NYNRIN: variants seen among roughly 807,000 people sequenced by gnomAD.
The protein encoded by NYNRIN is NYN domain and retroviral integrase containing.
In NYNRIN, 86 loss-of-function variants were observed where a neutral mutation model predicts 146.6. The observed-to-expected ratio is 0.59, with a 90% CI of 0.49 to 0.70. NYNRIN has a LOEUF of 0.70. Ranked by LOEUF, NYNRIN falls within the 30% of genes least tolerant of loss-of-function variation. The pLI, the probability that NYNRIN is intolerant of heterozygous loss-of-function variation, is 0.00. For missense variants in NYNRIN, 2,191 were observed against 2,377.7 expected, an observed-to-expected ratio of 0.92 and a Z score of 1.63; for synonymous variants, 1,027 against 1,001.3, an observed-to-expected ratio of 1.03 and a Z score of -0.48.
intron 2 of NYNRIN, among the ~76,000 whole-genome samples, chr14:24,404,796 A>G (rs2042866226): frequency 6.6e-6 from 1 of 152,120 alleles, no homozygotes; most frequent in African/African-American, 2.4e-5. Context: ...TGCCAAGCAA[A>G]TCTCTGAGTG....
chr14:24,408,198 G>A lies in NYNRIN; in HGVS notation c.528G>A (p.Gly176=). Residue 176 remains glycine (G), a synonymous_variant, in exon 3 of 9, where the codon GGG becomes GGA. Transcript: ENST00000382554. ...GGATCCGTGGTGACCAGCATGCAGG[G>A]GACCTACTGCAGCTGCCCCCAGCGG... is the stretch of plus-strand genomic sequence containing the variant. ...LVWIRGDQHA[G]DLLQLPPAVQ... The A allele has an allele frequency of 6.2e-7, 1 of 1,601,394 alleles. No homozygotes were observed. The highest frequency in any genetic ancestry group is 8.5e-7 in the Non-Finnish European group (1 of 1,177,078).
intron 2 of NYNRIN, among the ~76,000 whole-genome samples, chr14:24,401,827 T>G (rs1436198371): frequency 6.6e-6 from 1 of 152,232 alleles, no homozygotes; most frequent in Non-Finnish European, 1.5e-5. Context: ...AGTGGAAGTC[T>G]TGGATTAAAT....
chr14:24,409,249 T>A lies in NYNRIN; in HGVS notation c.1455T>A (p.Ser485=). The A allele has an allele frequency of 6.2e-7, 1 of 1,614,002 alleles. No individual in the cohort carries two copies. The highest frequency in any genetic ancestry group is 8.5e-7 in the Non-Finnish European group (1 of 1,179,876). The change falls in exon 4 of 9, where the codon TCT becomes TCA. Residue 485 remains serine (S), a synonymous_variant. Coordinates refer to ENST00000382554, the MANE Select transcript of NYNRIN (RefSeq NM_025081.3). ...CACAGATAGGGCCACCCTTGACCTC[T>A]ACACCCCAACTACAGGCTGGAGGTG... is the stretch of plus-strand genomic sequence containing the variant. The part of the protein sequence containing the change: ...DLPQIGPPLT[S]TPQLQAGGEP...
At chr14:24,412,042 C>G (rs1270376676) in intron 6 of NYNRIN, among the ~76,000 whole-genome samples, 1 of 152,188 alleles carries the variant, frequency 6.6e-6, no homozygotes, top group Non-Finnish European at 1.5e-5. Context: ...GTCACTGGTC[C>G]TGGGTTGGAG....
intron 4 of NYNRIN, among the ~76,000 whole-genome samples, chr14:24,410,524 T>A (rs2042906023): frequency 6.6e-6 from 1 of 152,212 alleles, no homozygotes; most frequent in South Asian, 2.1e-4. Flanking sequence ...CTCAGATGTG[T>A]CCACTGCCAA....
At chr14:24,399,780 A>T (rs1189257765) in intron 2 of NYNRIN, among the ~76,000 whole-genome samples, 1 of 151,704 alleles carries the variant, frequency 6.6e-6, no homozygotes, top group Non-Finnish European at 1.5e-5. Flanking sequence ...CCACTTTTCC[A>T]TCTGGGGAGC....
chr14:24,418,429 T>C lies in NYNRIN; in HGVS notation c.*983T>C. 2.7e-6 allele frequency: 1 copy of C among 367,728 alleles called. No homozygotes were observed. The highest frequency in any genetic ancestry group is 5.4e-6 in the Non-Finnish European group (1 of 186,070). 22.8% of individuals were successfully genotyped at this position (367,728 alleles called of 1,614,324 possible). A position where few individuals can be genotyped will look rare whatever the true frequency, so the allele number is the denominator to read the frequency against. On this transcript the variant is annotated 3_prime_UTR_variant, in exon 9 of 9. Coordinates refer to ENST00000382554, the MANE Select transcript of NYNRIN (RefSeq NM_025081.3). ...TGCTCCTTCTACCTCCACTGTATCC[T>C]GCATCCCAGACCCTACAGATTGTGT... is the stretch of plus-strand genomic sequence containing the variant.
chr14:24,413,270 G>C (rs545005384), intron 7 of NYNRIN, 46 bp from the exon 8 acceptor site: 1 of 1,554,798 alleles, frequency 6.4e-7, no homozygotes, highest in South Asian at 1.2e-5. Context: ...GGTGTGGGTG[G>C]GTCAAGGGCT....
At chr14:24,407,806 G>T in intron 2 of NYNRIN, 63 bp from the exon 3 acceptor site, 1 of 1,482,130 alleles carries the variant, frequency 6.7e-7, no homozygotes. Context: ...TGGGTGGCGA[G>T]GGCAGATCCA....
rs1305725028 is a variant in NYNRIN, at chr14:24,409,738, G to A, written c.1944G>A (p.Gly648=). ...CCAAAACACCCAAAGCTCAAGCCGG[G>A]CCTGCAGCTACAGTTTCCAAAGCAC... ...AGPKTPKAQA[G]PAATVSKAPA... The change falls in exon 4 of 9, where the codon GGG becomes GGA. Residue 648 remains glycine, a synonymous_variant. Coordinates refer to ENST00000382554, the MANE Select transcript of NYNRIN (RefSeq NM_025081.3). The A allele has an allele frequency of 1.2e-6, 2 of 1,605,096 alleles. No homozygotes were observed. The highest frequency in any genetic ancestry group is 1.7e-6 in the Non-Finnish European group (2 of 1,177,602).
In NYNRIN at chr14:24,416,331, G is replaced by T; in HGVS notation, c.4582G>T (p.Asp1528Tyr). 1 of 1,613,778 alleles carries T rather than the reference G, an allele frequency of 6.2e-7. No individual in the cohort carries two copies. Among genetic ancestry groups the T allele is most frequent in the Non-Finnish European group, 8.5e-7 (1 of 1,179,792 alleles). Residue 1528 changes from aspartate to tyrosine, a missense_variant, in exon 9 of 9, where the codon GAT becomes TAT. Coordinates refer to ENST00000382554, the MANE Select transcript of NYNRIN (RefSeq NM_025081.3). ...KESGLLMFKG[D>Y]KKPRVWVVPT... ...GAGTGGCCTGCTTATGTTCAAGGGA[G>T]ATAAGAAGCCCAGGGTCTGGGTAGT... is the stretch of plus-strand genomic sequence containing the variant.
chr14:24,412,352 C>T (rs1270362754), intron 6 of NYNRIN, among the ~76,000 whole-genome samples: 1 of 152,178 alleles, frequency 6.6e-6, no homozygotes, highest in East Asian at 1.9e-4. Flanking sequence ...TCAGGGACTA[C>T]TGAGAAGTAG....
At chr14:24,401,572 A>C (rs2042844034) in intron 2 of NYNRIN, among the ~76,000 whole-genome samples, 1 of 152,096 alleles carries the variant, frequency 6.6e-6, no homozygotes, top group Admixed American at 6.5e-5. Context: ...AACTATCTGA[A>C]CTGGGTGATC....
chr14:24,408,796 C>T lies in NYNRIN; in HGVS notation c.1002C>T (p.Phe334=), dbSNP rs1257181644. 8.7e-6 allele frequency: 14 copies of T among 1,614,058 alleles called. No individual in the cohort carries two copies. Among genetic ancestry groups the T allele is most frequent in the Non-Finnish European group, 1.2e-5 (14 of 1,179,900 alleles). ...AGAAGATAGAAGATAAACTCCTCTT[C>T]CAACCTCCAGTATCAGCCCTGGGTG... is the stretch of plus-strand genomic sequence containing the variant. ...QVQKIEDKLL[F]QPPVSALGVC... is the part of the protein sequence containing the mutation. The change falls in exon 4 of 9, where the codon TTC becomes TTT. Residue 334 remains phenylalanine (F), a synonymous_variant. Coordinates refer to ENST00000382554, the MANE Select transcript of NYNRIN (RefSeq NM_025081.3).
At chr14:24,406,733 AGGGATGACTATCAAAGAAAGGGGATGTGG>A (rs1351193119) in intron 2 of NYNRIN, among the ~76,000 whole-genome samples, 1 of 152,040 alleles carries the variant, frequency 6.6e-6, no homozygotes, top group Non-Finnish European at 1.5e-5. Flanking sequence ...GAGGGATGAG[AGGGATGACTATCAAAGAAAGGGGATGTGG>A]AGGGGCATGG....
In NYNRIN at chr14:24,414,797, G is replaced by A. The variant is rs550900598; in HGVS notation, c.3048G>A (p.Glu1016=). The change falls in exon 9 of 9, where the codon GAG becomes GAA. Residue 1016 remains glutamate (E), a synonymous_variant. Coordinates refer to ENST00000382554, the MANE Select transcript of NYNRIN (RefSeq NM_025081.3). ...QGQGTQKAAE[E]DDLDSSLASV... is the part of the protein sequence containing the mutation. ...AGGGCACACAGAAGGCGGCTGAGGAGGACGACCTTGACTCTTCGCTGGCGT... is the reference window on the plus strand; with the variant it reads ...AGGGCACACAGAAGGCGGCTGAGGAAGACGACCTTGACTCTTCGCTGGCGT... 1 of 1,613,810 alleles carries A rather than the reference G, an allele frequency of 6.2e-7. No individual in the cohort carries two copies. The highest frequency in any genetic ancestry group is 1.1e-5 in the South Asian group (1 of 91,050).
chr14:24,412,202 G>T (rs142945881), intron 6 of NYNRIN, among the ~76,000 whole-genome samples: 15 of 152,220 alleles, frequency 9.9e-5, no homozygotes, highest in African/African-American at 3.4e-4. Context: ...ATCCCTCCTT[G>T]TAGAGCTGGT....
At chr14:24,405,516 G>A (rs2042870878) in intron 2 of NYNRIN, among the ~76,000 whole-genome samples, 1 of 152,104 alleles carries the variant, frequency 6.6e-6, no homozygotes, top group South Asian at 2.1e-4. Context: ...TCCTCTTGGA[G>A]GAAGAAGGTC....
In NYNRIN at chr14:24,408,231, G is replaced by A. The variant is rs1307561852; in HGVS notation, c.561G>A (p.Glu187=). The change falls in exon 3 of 9, where the codon GAG becomes GAA. Residue 187 remains glutamate, a synonymous_variant. Coordinates refer to ENST00000382554, the MANE Select transcript of NYNRIN (RefSeq NM_025081.3). ...TGCAGCTGCCCCCAGCGGTCCAGGA[G>A]CTGCTGCTGAGCCTGGTGCGGGATG... is the stretch of plus-strand genomic sequence containing the variant. The part of the protein sequence containing the change: ...DLLQLPPAVQ[E]LLLSLVRDAA... 4.4e-6 allele frequency: 7 copies of A among 1,606,976 alleles called. No homozygotes were observed. The highest frequency in any genetic ancestry group is 5.9e-6 in the Non-Finnish European group (7 of 1,179,060).
Sources: gnomAD v4.1 joint callset for allele counts (sites outside exome capture counted in the v4.1 genomes callset) on GRCh38, gnomAD v4.1.1 for gene constraint, MANE v1.5 for transcripts, NCBI Gene and HGNC (gene_info 2026-07-23, HGNC 2026-07-21) for gene names.